Variants in PRKD1 observed in about 807,000 individuals in gnomAD.
The protein encoded by PRKD1 is serine/threonine-protein kinase D1.
Under a neutral mutation model 95.9 loss-of-function variants are expected in PRKD1, and 63 were observed. The ratio of observed to expected loss-of-function variants is 0.66; its 90% confidence interval spans 0.54 to 0.81. The LOEUF (loss-of-function observed/expected upper bound fraction) is 0.81. PRKD1 is among the 30% of genes least tolerant of loss of function. The pLI is 0.00. For synonymous variants in PRKD1, 425 were observed against 423.1 expected (o/e 1.00, Z -0.05); for missense variants, 1,048 against 1,165.3 (o/e 0.90, Z 1.47).
chr14:29,803,700 G>A (rs1424136907), intron 1 of PRKD1, among the ~76,000 whole-genome samples: 1 of 152,120 alleles, frequency 6.6e-6, no homozygotes, highest in Non-Finnish European at 1.5e-5. Flanking sequence ...ATACTCCAAG[G>A]CTAGTAATTA....
intron 16 of PRKD1, among the ~76,000 whole-genome samples, chr14:29,584,551 A>G (rs759261223): frequency 3.3e-5 from 5 of 152,118 alleles, no homozygotes; most frequent in Non-Finnish European, 5.9e-5. Context: ...TTTTTCGCAC[A>G]TAAGTTTTAT....
intron 1 of PRKD1, among the ~76,000 whole-genome samples, chr14:29,742,436 T>C (rs1225166726): frequency 6.6e-6 from 1 of 152,236 alleles, no homozygotes; most frequent in Non-Finnish European, 1.5e-5. Flanking sequence ...GTATCTGTGA[T>C]GTTTGGGATC....
intron 2 of PRKD1, among the ~76,000 whole-genome samples, chr14:29,672,303 T>C (rs988385863): frequency 2.6e-5 from 4 of 151,458 alleles, no homozygotes; most frequent in Non-Finnish European, 4.4e-5. Context: ...ATCGTGCCAC[T>C]GCACTCCAGC....
At chr14:29,874,667 T>A (rs1048487964) in intron 1 of PRKD1, among the ~76,000 whole-genome samples, 2 of 152,170 alleles carry the variant, frequency 1.3e-5, no homozygotes, top group African/African-American at 4.8e-5. Flanking sequence ...ACAGAAAGAA[T>A]GAAATCTTGT....
intron 2 of PRKD1, among the ~76,000 whole-genome samples, chr14:29,690,756 C>G (rs1350274936): frequency 6.6e-6 from 1 of 152,188 alleles, no homozygotes; most frequent in East Asian, 1.9e-4. Context: ...AATTTGAATT[C>G]TCCTACTTTG....
intron 1 of PRKD1, among the ~76,000 whole-genome samples, chr14:29,727,903 C>T (rs1168088056): frequency 1.3e-5 from 2 of 151,062 alleles, no homozygotes; most frequent in African/African-American, 4.9e-5. Context: ...AGTAAACTAT[C>T]GCAAGAACAA....
intron 1 of PRKD1, among the ~76,000 whole-genome samples, chr14:29,743,528 G>A (rs1887077075): frequency 6.6e-6 from 1 of 152,054 alleles, no homozygotes; most frequent in Non-Finnish European, 1.5e-5. Flanking sequence ...CACTAGTGGA[G>A]ACAAGAACAT....
At chr14:29,889,607 G>A (rs1483408214) in intron 1 of PRKD1, among the ~76,000 whole-genome samples, 1 of 152,206 alleles carries the variant, frequency 6.6e-6, no homozygotes, top group East Asian at 1.9e-4. Flanking sequence ...GATGAAGCTG[G>A]AAACCATCAT....
chr14:29,710,250 T>C (rs1305780820), intron 2 of PRKD1, among the ~76,000 whole-genome samples: 1 of 151,994 alleles, frequency 6.6e-6, no homozygotes, highest in Non-Finnish European at 1.5e-5. Flanking sequence ...GTGAGACAGA[T>C]TTAGTGACAG....
intron 1 of PRKD1, among the ~76,000 whole-genome samples, chr14:29,758,583 G>A (rs1436212394): frequency 6.6e-6 from 1 of 152,176 alleles, no homozygotes; most frequent in Non-Finnish European, 1.5e-5. Context: ...GAAATATCAG[G>A]ACGTATTTAT....
Position 29,638,713 on chromosome 14 carries a change from C to A in PRKD1, c.888G>T (p.Arg296Ser). The A allele has an allele frequency of 1.2e-6, 2 of 1,614,126 alleles. No individual in the cohort carries two copies. Among genetic ancestry groups the A allele is most frequent in the South Asian group, 1.1e-5 (1 of 91,090 alleles). The change falls in exon 5 of 18, where the codon AGG becomes AGT. Residue 296 changes from arginine to serine, a missense_variant. Transcript: ENST00000331968. ...YCKKLLKGLF[R>S]QGLQCKDCRF... ...CCTTACCTTTGCACTGCAAGCCCTG[C>A]CTGAAAAGCCCCTTCAGAAGCTTCT...
At chr14:29,786,627 G>A (rs116592469) in intron 1 of PRKD1, among the ~76,000 whole-genome samples, 2,455 of 152,164 alleles carry the variant, frequency 0.016, 66 homozygotes, top group African/African-American at 0.052. Flanking sequence ...TTATTAGCAC[G>A]TAGTGGTTCA....
intron 15 of PRKD1, among the ~76,000 whole-genome samples, chr14:29,598,443 C>T (rs762992467): frequency 2.5e-4 from 38 of 152,084 alleles, no homozygotes; most frequent in Admixed American, 1.0e-3. Flanking sequence ...TTATGCAAAT[C>T]TGGGAAGTGA....
intron 2 of PRKD1, among the ~76,000 whole-genome samples, chr14:29,720,162 T>G (rs1885816635): frequency 1.3e-5 from 2 of 152,210 alleles, no homozygotes; most frequent in South Asian, 4.1e-4. Flanking sequence ...GGAGTTGCTA[T>G]GTATAGAAAC....
chr14:29,637,251 T>C (rs1454116166), intron 6 of PRKD1, among the ~76,000 whole-genome samples: 1 of 152,222 alleles, frequency 6.6e-6, no homozygotes, highest in Non-Finnish European at 1.5e-5. Context: ...GGAGTAACTT[T>C]GAAAATCACG....
chr14:29,731,282 T>C (rs1225215893), intron 1 of PRKD1, among the ~76,000 whole-genome samples: 3 of 152,228 alleles, frequency 2.0e-5, no homozygotes, highest in Admixed American at 2.0e-4. Context: ...TAATTCCTCA[T>C]TTAATTCTGC....
chr14:29,708,495 G>A (rs376148674), intron 2 of PRKD1, among the ~76,000 whole-genome samples: 14 of 152,132 alleles, frequency 9.2e-5, no homozygotes, highest in Non-Finnish European at 1.9e-4. Flanking sequence ...TAGATATTTC[G>A]TTCTTACTAA....
intron 2 of PRKD1, among the ~76,000 whole-genome samples, chr14:29,712,021 T>C (rs574115038): frequency 6.6e-5 from 10 of 152,252 alleles, no homozygotes; most frequent in African/African-American, 2.4e-4. Flanking sequence ...TTGAATAGGA[T>C]TAAGCAAAGC....
chr14:29,628,943 T>C, intron 11 of PRKD1, 98 bp downstream of exon 11: 1 of 869,994 alleles, frequency 1.1e-6, no homozygotes, highest in East Asian at 3.3e-5. Flanking sequence ...TTCCAAAATT[T>C]ACTAAAAAAT....
Sources: gnomAD v4.1 joint callset for allele counts (sites outside exome capture counted in the v4.1 genomes callset) on GRCh38, gnomAD v4.1.1 for gene constraint, MANE v1.5 for transcripts, NCBI Gene and HGNC (gene_info 2026-07-23, HGNC 2026-07-21) for gene names.